The following SIN3A variants were observed in gnomAD, a reference collection of about 807,000 sequenced individuals.
SIN3A encodes paired amphipathic helix protein Sin3a.
SIN3A carries 14 observed loss-of-function variants against 146.1 expected under a neutral mutation model. The ratio of observed to expected loss-of-function variants is 0.10; its 90% CI spans 0.06 to 0.15. The LOEUF is 0.15. Ranked by LOEUF, SIN3A falls within the 10% of genes least tolerant of loss-of-function variation. The pLI is 1.00. For synonymous variants in SIN3A, 572 were observed against 572.0 expected, an observed-to-expected ratio of 1.00 and a Z score of 0.00; for missense variants, 1,028 against 1,576.0, an observed-to-expected ratio of 0.65 and a Z score of 5.89.
Position 75,409,991 on chromosome 15 carries a change from G to A in SIN3A, c.1162C>T (p.Leu388Phe), listed in dbSNP as rs761938898. The A allele has an allele frequency of 1.9e-6, 3 of 1,614,098 alleles. No homozygotes were observed. The highest frequency in any genetic ancestry group is 2.5e-6 in the Non-Finnish European group (3 of 1,179,996). ...QFLPDANSSV[L>F]LSKTTAEKVD... ...TTCTCAGCAGTTGTTTTGCTTAAAA[G>A]CTGATTAAGACACATGAATGAGATT... Residue 388 changes from leucine to phenylalanine, a missense_variant and splice_region_variant, in exon 8 of 21, where the codon CTT becomes TTT. By Grantham distance (22) the Leu-to-Phe change is conservative. Around this residue, in one of 9 missense-constraint regions of SIN3A, gnomAD observed 40 missense variants for 74.0 expected, o/e 0.54. Coordinates refer to ENST00000394947, the MANE Select transcript of SIN3A (RefSeq NM_001145358.2).
chr15:75,370,303 TTTTG>T lies in SIN3A; in HGVS notation c.*1672_*1675del, dbSNP rs1416603625. On this transcript the variant is annotated 3_prime_UTR_variant, in exon 21 of 21. Coordinates refer to ENST00000394947, the MANE Select transcript of SIN3A (RefSeq NM_001145358.2). Reference sequence around the variant, plus strand: ...TTTTGAAAATCCAGGAGCCAAAAAATTTTGTTTTTCTTTTTGGTGGTGGTGGTGA... The same window carrying T: ...TTTTGAAAATCCAGGAGCCAAAAAATTTTTTCTTTTTGGTGGTGGTGGTGA... 8 of 152,218 alleles carry T rather than the reference TTTTG, an allele frequency of 5.3e-5. No individual in the cohort carries two copies. The highest frequency in any genetic ancestry group is 5.2e-4 in the Admixed American group (8 of 15,298). 9.4% of individuals were successfully genotyped at this position (152,218 alleles called of 1,614,324 possible).
chr15:75,439,624 C>T (rs928555114), intron 1 of SIN3A, among the ~76,000 whole-genome samples: 9 of 151,908 alleles, frequency 5.9e-5, no homozygotes, highest in Non-Finnish European at 1.0e-4. Flanking sequence ...GGATTACAGG[C>T]GTGAGCCACC....
At chr15:75,425,583 T>A (rs2073911562) in intron 2 of SIN3A, among the ~76,000 whole-genome samples, 1 of 152,218 alleles carries the variant, frequency 6.6e-6, no homozygotes, top group African/African-American at 2.4e-5. Context: ...TTTCTATTCT[T>A]TTATCTCAGT....
At chr15:75,447,750 G>A (rs959225298) in intron 1 of SIN3A, 11 of 152,138 alleles carry the variant, frequency 7.2e-5, no homozygotes, top group Admixed American at 3.9e-4. Flanking sequence ...AGCCCTGGAG[G>A]ACACCAAGAA....
intron 2 of SIN3A, among the ~76,000 whole-genome samples, chr15:75,429,871 C>A (rs188442345): frequency 6.6e-6 from 1 of 151,892 alleles, no homozygotes; most frequent in African/African-American, 2.4e-5. Flanking sequence ...TTCAAAAATA[C>A]CGAAACTAAA....
At chr15:75,394,152 A>G (rs1043894196) in intron 14 of SIN3A, among the ~76,000 whole-genome samples, 6 of 152,168 alleles carry the variant, frequency 3.9e-5, no homozygotes, top group African/African-American at 9.7e-5. Flanking sequence ...TTTAAAGTTC[A>G]GGATCACCCC....
rs116715685 is a variant in SIN3A at position 75,427,627 on chromosome 15, T to C, written c.189+2560A>G. ...CTGAGCCAAGACTGAACCATTGCAC[T>C]CCAGCCTGGGCAACAGACAGAGAGT... On this transcript the variant is annotated intron_variant, in intron 2 of 20. Coordinates refer to ENST00000394947, the MANE Select transcript of SIN3A (RefSeq NM_001145358.2). 7.4e-3 allele frequency among the ~76,000 whole-genome samples: 1,126 copies of C among 151,838 alleles called. 15 individuals are homozygous for C. Among genetic ancestry groups the C allele is most frequent in the African/African-American group, 0.025 (1,028 of 41,376 alleles).
chr15:75,407,221 G>T, intron 8 of SIN3A, 77 bp from the exon 9 acceptor site: 1 of 952,948 alleles, frequency 1.0e-6, no homozygotes, highest in Non-Finnish European at 1.6e-6. Context: ...GTATTCAATG[G>T]TTTCATCACT....
intron 20 of SIN3A, among the ~76,000 whole-genome samples, chr15:75,372,991 A>G (rs2072782250): frequency 6.6e-6 from 1 of 152,150 alleles, no homozygotes; most frequent in Non-Finnish European, 1.5e-5. Context: ...CAGACAGTGC[A>G]AAGCAAAGGG....
chr15:75,407,265 G>T (rs1222153151), intron 8 of SIN3A, 121 bp from the exon 9 acceptor site: 1 of 635,906 alleles, frequency 1.6e-6, no homozygotes. Context: ...TGAAACAAAT[G>T]AGAGAACTCT....
chr15:75,416,487 G>C (rs748628470), intron 3 of SIN3A, among the ~76,000 whole-genome samples: 55 of 152,214 alleles, frequency 3.6e-4, no homozygotes, highest in Admixed American at 5.9e-4. Context: ...CAGCATGCCT[G>C]GCTAATTTTT....
At chr15:75,441,848 G>A (rs1017799037) in intron 1 of SIN3A, among the ~76,000 whole-genome samples, 8 of 151,958 alleles carry the variant, frequency 5.3e-5, no homozygotes, top group South Asian at 2.1e-4. Context: ...CAGGCTGAGC[G>A]TGTGGCTCTT....
At chr15:75,428,370 G>A (rs2073961922) in intron 2 of SIN3A, among the ~76,000 whole-genome samples, 1 of 152,174 alleles carries the variant, frequency 6.6e-6, no homozygotes, top group Admixed American at 6.5e-5. Context: ...CTGAAGTACA[G>A]TTGCTTGATC....
At chr15:75,398,695 C>CTAAT (rs2073349266) in intron 12 of SIN3A, among the ~76,000 whole-genome samples, 1 of 150,902 alleles carries the variant, frequency 6.6e-6, no homozygotes, top group South Asian at 2.1e-4. Context: ...AAAGGGGTCC[C>CTAAT]TAATTTAGCC....
chr15:75,423,383 A>G (rs1285369972), intron 2 of SIN3A, among the ~76,000 whole-genome samples: 1 of 152,238 alleles, frequency 6.6e-6, no homozygotes, highest in Non-Finnish European at 1.5e-5. Flanking sequence ...ATTTGTAGCT[A>G]TTAAAAATTA....
At chr15:75,419,104 A>G (rs1302213456) in intron 3 of SIN3A, 1 of 152,126 alleles carries the variant, frequency 6.6e-6, no homozygotes, top group African/African-American at 2.4e-5. Flanking sequence ...CATTACGGCC[A>G]TGGTTAATCA....
intron 1 of SIN3A, among the ~76,000 whole-genome samples, chr15:75,434,891 T>C (rs1218070351): frequency 6.6e-6 from 1 of 150,382 alleles, no homozygotes; most frequent in South Asian, 2.1e-4. Flanking sequence ...GAGGCTGCAG[T>C]GAGCCGAGAT....
chr15:75,426,838 G>A (rs1244273322), intron 2 of SIN3A, among the ~76,000 whole-genome samples: 2 of 152,010 alleles, frequency 1.3e-5, no homozygotes, highest in Non-Finnish European at 2.9e-5. Flanking sequence ...AGACTGAGGT[G>A]CTAGGATTGC....
chr15:75,441,310 A>G (rs1221577737), intron 1 of SIN3A, among the ~76,000 whole-genome samples: 1 of 152,078 alleles, frequency 6.6e-6, no homozygotes, highest in Non-Finnish European at 1.5e-5. Context: ...TCTCAAAAAA[A>G]CAAAAAACAA....
Sources: gnomAD v4.1 joint callset for allele counts (sites outside exome capture counted in the v4.1 genomes callset) on GRCh38, gnomAD v4.1.1 for gene constraint, gnomAD v4.1.1 regional missense constraint, MANE v1.5 for transcripts, NCBI Gene and HGNC (gene_info 2026-07-23, HGNC 2026-07-21) for gene names.